DPP9: variants seen among roughly 807,000 people sequenced by gnomAD.
DPP9 encodes the protein dipeptidyl peptidase IV-related protein-2.
In DPP9, 50 loss-of-function variants were observed where a neutral mutation model predicts 110.7. The observed-to-expected ratio is 0.45, with a 90% CI of 0.36 to 0.57. DPP9 has a LOEUF of 0.57. Ranked by LOEUF, DPP9 falls within the 20% of genes least tolerant of loss-of-function variation. The probability of loss-of-function intolerance (pLI) is 0.00; values close to 1 mark genes in which losing one functional copy is unlikely to be tolerated. For missense variants in DPP9, 1,022 were observed against 1,217.9 expected, an observed-to-expected ratio of 0.84 and a Z score of 2.39; for synonymous variants, 561 against 514.4, an observed-to-expected ratio of 1.09 and a Z score of -1.23.
intron 4 of DPP9, among the ~76,000 whole-genome samples, chr19:4,707,147 G>A (rs970618265): frequency 3.3e-5 from 5 of 152,212 alleles, no homozygotes; most frequent in African/African-American, 1.2e-4. Flanking sequence ...GAAACGTAAA[G>A]CTCTCGGCAC....
chr19:4,700,371 C>CA lies in DPP9; in HGVS notation c.1013-95dup, dbSNP rs2092160939. 4 of 1,014,910 alleles carry CA rather than the reference C, an allele frequency of 3.9e-6. No homozygotes were observed. In the South Asian group the frequency reaches 6.9e-5, roughly 18 times the overall value. 62.9% of individuals were successfully genotyped at this position (1,014,910 alleles called of 1,614,324 possible). ...GGCCTGGGCTGTGGGGTGACGTCCACAGAGAGGTGTACAATTGGAGTGGGG... is the reference window on the plus strand; with the variant it reads ...GGCCTGGGCTGTGGGGTGACGTCCACAAGAGAGGTGTACAATTGGAGTGGGG... On this transcript the variant is annotated intron_variant, in intron 9 of 21. Coordinates refer to ENST00000262960, the MANE Select transcript of DPP9 (RefSeq NM_139159.5). The surrounding 1 kb of genome is among the most constrained non-coding windows in gnomAD (Gnocchi z 4.3).
chr19:4,680,654 A>AT (rs564174920), intron 20 of DPP9, among the ~76,000 whole-genome samples: 1,747 of 118,940 alleles, frequency 0.015, 33 homozygotes, highest in African/African-American at 0.071. Flanking sequence ...GTGAGCTATG[A>AT]TTAAAAAAAA....
At chr19:4,697,736 A>T (rs368495901) in intron 10 of DPP9, 85 bp from the exon 11 acceptor site, 7 of 1,094,812 alleles carry the variant, frequency 6.4e-6, no homozygotes, top group Non-Finnish European at 9.3e-6. Flanking sequence ...GGGTCCCATC[A>T]TGTCCCCCCC....
Position 4,693,512 on chromosome 19 carries a change from C to A in DPP9, c.1516+1149G>T, listed in dbSNP as rs568827783. ...CTCTCTGAGTCTGTCTTAGACTGGA[C>A]CTGCGGAGCCCTCCGGGCATCCATG... On this transcript the variant is annotated intron_variant, in intron 13 of 21. Transcript: ENST00000262960. The surrounding 1 kb of genome is among the most constrained non-coding windows in gnomAD (Gnocchi z 5.0). Among the ~76,000 whole-genome samples the A allele has an allele frequency of 1.3e-5, 2 of 152,266 alleles. No individual in the cohort carries two copies. Among genetic ancestry groups the A allele is most frequent in the East Asian group, 1.9e-4 (1 of 5,172 alleles).
intron 10 of DPP9, 133 bp from the exon 11 acceptor site, chr19:4,697,784 G>T: frequency 1.5e-6 from 1 of 675,682 alleles, no homozygotes; most frequent in Non-Finnish European, 2.5e-6. Flanking sequence ...CAGAACCCCA[G>T]AACGCAACCT....
Position 4,706,957 on chromosome 19 carries a change from C to G in DPP9, c.314-987G>C, listed in dbSNP as rs554899695. Among the ~76,000 whole-genome samples, 978 of 152,334 alleles carry G rather than the reference C, an allele frequency of 6.4e-3. 16 individuals carry two copies. The highest frequency in any genetic ancestry group is 0.023 in the African/African-American group (948 of 41,560). On this transcript the variant is annotated intron_variant, in intron 4 of 21. Coordinates refer to ENST00000262960, the MANE Select transcript of DPP9 (RefSeq NM_139159.5). The stretch of plus-strand genomic sequence containing the variant: ...GAGCAGCATCCCTGTCCTCCGCCCA[C>G]TCCATGCCAGGGGCACCCCACAGTC...
chr19:4,682,819 G>A lies in DPP9; in HGVS notation c.2351C>T (p.Pro784Leu), dbSNP rs1381966311. ...QVFKVAIAGA[P>L]VTVWMAYDTG... ...GTCGTAGGCCATCCAGACGGTGACC[G>A]GGGCACCCGCGATGGCCACCTGAGG... Residue 784 changes from proline to leucine, a missense_variant, in exon 20 of 22, where the codon CCG becomes CTG. This residue lies in a region of DPP9 where 209 missense variants were observed against 280.4 expected (regional missense o/e 0.75). Coordinates refer to ENST00000262960, the MANE Select transcript of DPP9 (RefSeq NM_139159.5). This position sits in a 1 kb window ranked among gnomAD's most constrained non-coding sequence, Gnocchi z 7.1. 9 of 1,589,792 alleles carry A rather than the reference G, an allele frequency of 5.7e-6. No individual in the cohort carries two copies. The highest frequency in any genetic ancestry group is 7.7e-6 in the Non-Finnish European group (9 of 1,168,818).
At chr19:4,721,922 G>A (rs1245310830) in intron 2 of DPP9, among the ~76,000 whole-genome samples, 1 of 152,140 alleles carries the variant, frequency 6.6e-6, no homozygotes, top group Admixed American at 6.6e-5. Flanking sequence ...AGAGAGAAAG[G>A]TTCAAATCCT....
chr19:4,723,807 G>A lies in DPP9; in HGVS notation c.-222C>T, dbSNP rs1052964064. 6.5e-6 allele frequency: 1 copy of A among 154,472 alleles called. No homozygotes were observed. The highest frequency in any genetic ancestry group is 2.4e-5 in the African/African-American group (1 of 41,520). The allele number at this position is 154,472 out of a possible 1,614,324, so 9.6% of individuals were successfully genotyped here. On this transcript the variant is annotated 5_prime_UTR_variant, in exon 1 of 22. Coordinates refer to ENST00000262960, the MANE Select transcript of DPP9 (RefSeq NM_139159.5). ...GGACGACAGCCGCGGCGGACACAGG[G>A]GACCCGCCGGCTCAGGCACCTTTGA... is the stretch of plus-strand genomic sequence containing the variant.
Position 4,710,723 on chromosome 19 carries a change from G to C in DPP9, c.313+3358C>G, listed in dbSNP as rs74484417. Reference sequence around the variant, plus strand: ...AAGTGTTATTATTACTCAGGGGCTGGGGGGAGGCCTGCCCCGAGAACCTGG... The same window carrying C: ...AAGTGTTATTATTACTCAGGGGCTGCGGGGAGGCCTGCCCCGAGAACCTGG... On this transcript the variant is annotated intron_variant, in intron 4 of 21. Transcript: ENST00000262960. The surrounding 1 kb of genome is among the most constrained non-coding windows in gnomAD (Gnocchi z 5.6). Among the ~76,000 whole-genome samples, 268 of 152,274 alleles carry C rather than the reference G, an allele frequency of 1.8e-3. 2 individuals carry two copies. Among genetic ancestry groups the C allele is most frequent in the East Asian group, 0.016 (82 of 5,180 alleles).
chr19:4,695,254 C>T lies in DPP9; in HGVS notation c.1353+124G>A. 8.9e-7 allele frequency: 1 copy of T among 1,118,424 alleles called. No individual in the cohort carries two copies. The highest frequency in any genetic ancestry group is 2.8e-5 in the East Asian group (1 of 35,596). 69.3% of individuals were successfully genotyped at this position (1,118,424 alleles called of 1,614,324 possible). ...CAGCCAGGGATGGCCAAGGCCTGAG[C>T]TCACTTCTCCACACAAGGGCAAACA... On this transcript the variant is annotated intron_variant, in intron 12 of 21. Coordinates refer to ENST00000262960, the MANE Select transcript of DPP9 (RefSeq NM_139159.5). This position sits in a 1 kb window ranked among gnomAD's most constrained non-coding sequence, Gnocchi z 4.7.
In DPP9 at chr19:4,711,268, C is replaced by T. The variant is rs189364433; in HGVS notation, c.313+2813G>A. Among the ~76,000 whole-genome samples, 7 of 152,194 alleles carry T rather than the reference C, an allele frequency of 4.6e-5. No homozygotes were observed. The East Asian group carries it at 7.7e-4, about 17-fold the overall frequency. On this transcript the variant is annotated intron_variant, in intron 4 of 21. Transcript: ENST00000262960. ...CTCCAGGAGTACTTCATGGCTCAGA[C>T]GAGCTTGGAGGGTTTCTGTCCCTTT...
rs753823965 is a variant in DPP9, at chr19:4,682,728, G to A, written c.2442C>T (p.Ser814=). 4.3e-5 allele frequency: 70 copies of A among 1,609,290 alleles called. No individual in the cohort carries two copies. The highest frequency in any genetic ancestry group is 1.6e-4 in the Middle Eastern group (1 of 6,076). ...GCAGCTTCTCCACGTGCAGGGCCAC[G>A]GAACCCGCCTCATAGCCGTGCTGGT... ...ENNQHGYEAG[S]VALHVEKLPN... is the part of the protein sequence containing the mutation. The change falls in exon 20 of 22, where the codon TCC becomes TCT. Residue 814 remains serine (S), a synonymous_variant. Coordinates refer to ENST00000262960, the MANE Select transcript of DPP9 (RefSeq NM_139159.5). The surrounding 1 kb of genome is among the most constrained non-coding windows in gnomAD (Gnocchi z 7.1).
At chr19:4,713,701 C>G (rs1017709452) in intron 4 of DPP9, among the ~76,000 whole-genome samples, 2 of 152,222 alleles carry the variant, frequency 1.3e-5, no homozygotes, top group Non-Finnish European at 2.9e-5. Flanking sequence ...CTGTTTGTCA[C>G]GAGCCCCACC....
At chr19:4,723,326 G>C (rs1599973711) in intron 1 of DPP9, among the ~76,000 whole-genome samples, 1 of 152,206 alleles carries the variant, frequency 6.6e-6, no homozygotes, top group Non-Finnish European at 1.5e-5. Flanking sequence ...GGGTGTCAAG[G>C]TCTGCAGCTA....
Position 4,704,272 on chromosome 19 carries a change from C to T in DPP9, c.459G>A (p.Glu153=). 1 of 1,613,674 alleles carries T rather than the reference C, an allele frequency of 6.2e-7. No individual in the cohort carries two copies. Among genetic ancestry groups the T allele is most frequent in the Non-Finnish European group, 8.5e-7 (1 of 1,179,898 alleles). The change falls in exon 6 of 22, where the codon GAG becomes GAA. Residue 153 remains glutamate (E), a synonymous_variant. Transcript: ENST00000262960. The surrounding 1 kb of genome is among the most constrained non-coding windows in gnomAD (Gnocchi z 6.0). ...ATPHHGVYSR[E]EELLRERKRL... Reference sequence around the variant, plus strand: ...GTTTCCGCTCCCTCAGCAGCTCCTCCTCCCGAGAGTAGACCCCATGGTGGG... The same window carrying T: ...GTTTCCGCTCCCTCAGCAGCTCCTCTTCCCGAGAGTAGACCCCATGGTGGG...
At chr19:4,683,997 C>A in intron 18 of DPP9, 1 of 443,912 alleles carries the variant, frequency 2.3e-6, no homozygotes, top group Admixed American at 3.5e-5. Flanking sequence ...ATGGCTGGTG[C>A]CATCGCCGTT....
chr19:4,675,619 C>A lies in DPP9; in HGVS notation c.*945G>T, dbSNP rs997021054. The A allele has an allele frequency of 2.0e-5, 3 of 152,208 alleles. No individual in the cohort carries two copies. Among genetic ancestry groups the A allele is most frequent in the Admixed American group, 2.0e-4 (3 of 15,286 alleles). 9.4% of individuals were successfully genotyped at this position (152,208 alleles called of 1,614,324 possible). On this transcript the variant is annotated 3_prime_UTR_variant, in exon 22 of 22. Coordinates refer to ENST00000262960, the MANE Select transcript of DPP9 (RefSeq NM_139159.5). ...CAGGAGGGCTGTCCACAGGTGGTGC[C>A]CCCCGCGGGCCCTGGCCGCTTCTCC...
Position 4,693,678 on chromosome 19 carries a change from G to C in DPP9, c.1516+983C>G, listed in dbSNP as rs920495355. Reference sequence around the variant, plus strand: ...AAGCCTGTCGCCTCTCCCGGCCCCTGGGCCTGTGTGCAAGCTGCAACCAGA... The same window carrying C: ...AAGCCTGTCGCCTCTCCCGGCCCCTCGGCCTGTGTGCAAGCTGCAACCAGA... On this transcript the variant is annotated intron_variant, in intron 13 of 21. Transcript: ENST00000262960. The surrounding 1 kb of genome is among the most constrained non-coding windows in gnomAD (Gnocchi z 5.0). Among the ~76,000 whole-genome samples, 1 of 152,088 alleles carries C rather than the reference G, an allele frequency of 6.6e-6. No individual in the cohort carries two copies. The highest frequency in any genetic ancestry group is 1.5e-5 in the Non-Finnish European group (1 of 67,992).
Sources: gnomAD v4.1 joint callset for allele counts (sites outside exome capture counted in the v4.1 genomes callset) on GRCh38, gnomAD v4.1.1 for gene constraint, gnomAD v4.1.1 regional missense constraint, Gnocchi (gnomAD v3.1) non-coding constraint, MANE v1.5 for transcripts, NCBI Gene and HGNC (gene_info 2026-07-23, HGNC 2026-07-21) for gene names.